SGMS1: variants seen among roughly 807,000 people sequenced by gnomAD.
SGMS1 encodes the protein phosphatidylcholine:ceramide cholinephosphotransferase 1.
SGMS1 carries 13 observed loss-of-function variants against 46.2 expected under a neutral mutation model. The observed-to-expected ratio is 0.28, with a 90% CI of 0.18 to 0.45. The LOEUF (loss-of-function observed/expected upper bound fraction) is 0.45. SGMS1 is among the 20% of genes least tolerant of loss of function. SGMS1 has a pLI of 1.00. For synonymous variants in SGMS1, 203 were observed against 187.8 expected, an observed-to-expected ratio of 1.08 and a Z score of -0.66; for missense variants, 324 against 519.9, an observed-to-expected ratio of 0.62 and a Z score of 3.66.
At chr10:50,328,479 T>C (rs999815077) in intron 7 of SGMS1, among the ~76,000 whole-genome samples, 6 of 152,336 alleles carry the variant, frequency 3.9e-5, no homozygotes, top group Middle Eastern at 3.4e-3. Context: ...AGAGGAAAAT[T>C]TGTTTCATGT....
At chr10:50,510,621 A>C (rs201581756) in intron 3 of SGMS1, among the ~76,000 whole-genome samples, 1 of 104,914 alleles carries the variant, frequency 9.5e-6, no homozygotes, top group Non-Finnish European at 2.1e-5. Context: ...TTTTTTTTTT[A>C]CTTTTGATTT....
intron 6 of SGMS1, among the ~76,000 whole-genome samples, chr10:50,380,692 T>C (rs1032078238): frequency 1.3e-5 from 2 of 152,172 alleles, no homozygotes; most frequent in African/African-American, 2.4e-5. Flanking sequence ...TCCCCAAATA[T>C]TACTTGTACA....
intron 1 of SGMS1, among the ~76,000 whole-genome samples, chr10:50,592,727 C>G (rs1024805787): frequency 1.3e-5 from 2 of 152,320 alleles, no homozygotes; most frequent in Middle Eastern, 3.4e-3. Context: ...AGCTACATCA[C>G]TGACATTTCT....
intron 6 of SGMS1, among the ~76,000 whole-genome samples, chr10:50,396,214 C>T (rs1436810292): frequency 6.6e-6 from 1 of 152,134 alleles, no homozygotes; most frequent in Non-Finnish European, 1.5e-5. Flanking sequence ...GTGGGGCTCC[C>T]AGTCCCACCC....
At chr10:50,493,050 A>G (rs986774219) in intron 3 of SGMS1, among the ~76,000 whole-genome samples, 4 of 152,092 alleles carry the variant, frequency 2.6e-5, no homozygotes, top group Admixed American at 1.3e-4. Flanking sequence ...CCAGACAACA[A>G]TGCTGCTTCA....
At chr10:50,544,238 T>C (rs1383614339) in intron 2 of SGMS1, among the ~76,000 whole-genome samples, 1 of 152,216 alleles carries the variant, frequency 6.6e-6, no homozygotes, top group African/African-American at 2.4e-5. Context: ...GAGGTAGTTA[T>C]GTCCCCATTT....
chr10:50,593,142 C>A (rs1175503956), intron 1 of SGMS1, among the ~76,000 whole-genome samples: 1 of 152,234 alleles, frequency 6.6e-6, no homozygotes, highest in Non-Finnish European at 1.5e-5. Flanking sequence ...TGGGAAAGAA[C>A]TGAGGCCTCT....
intron 2 of SGMS1, among the ~76,000 whole-genome samples, chr10:50,550,910 T>C (rs79941622): frequency 0.012 from 1,753 of 152,266 alleles, 32 homozygotes; most frequent in African/African-American, 0.041. Context: ...ACCTGAAGCA[T>C]AAATTAAATA....
At chr10:50,536,502 G>A (rs1286467000) in intron 2 of SGMS1, among the ~76,000 whole-genome samples, 2 of 152,128 alleles carry the variant, frequency 1.3e-5, no homozygotes, top group African/African-American at 2.4e-5. Context: ...TAATAATCAT[G>A]TTTTTATTGC....
At chr10:50,495,864 T>C (rs1384691158) in intron 3 of SGMS1, among the ~76,000 whole-genome samples, 1 of 152,094 alleles carries the variant, frequency 6.6e-6, no homozygotes, top group East Asian at 1.9e-4. Context: ...ATAAGAAAAT[T>C]TGGCCTATCT....
At chr10:50,349,477 T>TA (rs977518483) in intron 6 of SGMS1, among the ~76,000 whole-genome samples, 1 of 152,226 alleles carries the variant, frequency 6.6e-6, no homozygotes, top group African/African-American at 2.4e-5. Flanking sequence ...CAAAGTCCTT[T>TA]AGCCTTGCCA....
intron 8 of SGMS1, among the ~76,000 whole-genome samples, chr10:50,321,198 T>C (rs981386119): frequency 3.9e-5 from 6 of 152,128 alleles, no homozygotes; most frequent in Non-Finnish European, 7.4e-5. Context: ...AATTCATACA[T>C]CAAATGTTAA....
chr10:50,545,505 C>T (rs754587015), intron 2 of SGMS1, among the ~76,000 whole-genome samples: 9 of 151,482 alleles, frequency 5.9e-5, no homozygotes, highest in African/African-American at 1.2e-4. Flanking sequence ...GGTGTGATCT[C>T]GGCTCACTGC....
At chr10:50,463,526 T>C (rs948523510) in intron 4 of SGMS1, among the ~76,000 whole-genome samples, 12 of 152,126 alleles carry the variant, frequency 7.9e-5, no homozygotes, top group Non-Finnish European at 1.5e-4. Context: ...AAATAGCAAG[T>C]GTTGGCAAAG....
chr10:50,598,503 A>G (rs72803738), intron 1 of SGMS1, among the ~76,000 whole-genome samples: 1 of 152,344 alleles, frequency 6.6e-6, no homozygotes, highest in Non-Finnish European at 1.5e-5. Context: ...AGTAGCATTT[A>G]AAAATCATAG....
chr10:50,382,558 AACACACACAT>A (rs1848621135), intron 6 of SGMS1, among the ~76,000 whole-genome samples: 1 of 69,238 alleles, frequency 1.4e-5, no homozygotes, highest in African/African-American at 5.9e-5. Flanking sequence ...CACACACACA[AACACACACAT>A]ACACACACAC....
chr10:50,311,520 CAT>C, intron 8 of SGMS1, 105 bp from the exon 9 acceptor site: 1 of 972,426 alleles, frequency 1.0e-6, no homozygotes, highest in Non-Finnish European at 1.3e-6. Flanking sequence ...TATTAAGAAA[CAT>C]AAAATCCCCA....
chr10:50,596,374 C>T (rs561174643), intron 1 of SGMS1, among the ~76,000 whole-genome samples: 1 of 152,184 alleles, frequency 6.6e-6, no homozygotes, highest in Non-Finnish European at 1.5e-5. Flanking sequence ...GACAGGGTTT[C>T]GCCATGTTGG....
Position 50,610,961 on chromosome 10 carries a change from G to T in SGMS1, c.-684+12746C>A, listed in dbSNP as rs1051908911. Among the ~76,000 whole-genome samples the T allele has an allele frequency of 3.3e-5, 5 of 152,160 alleles. No homozygotes were observed. In the South Asian group the frequency reaches 8.3e-4, roughly 25 times the overall value. On this transcript the variant is annotated intron_variant, in intron 1 of 10. Transcript: ENST00000361781. ...TTCCACAAAAAGCAATGGCATACAGGGGACATTCTGTGTACTTGGGTCTGG... is the reference window on the plus strand; with the variant it reads ...TTCCACAAAAAGCAATGGCATACAGTGGACATTCTGTGTACTTGGGTCTGG...
Sources: allele counts gnomAD v4.1 joint callset (sites outside exome capture counted in the v4.1 genomes callset), GRCh38; gene constraint gnomAD v4.1.1; transcripts MANE v1.5; gene names NCBI Gene and HGNC (gene_info 2026-07-23, HGNC 2026-07-21).